The following SPOCK1 variants were observed in gnomAD, a reference collection of about 807,000 sequenced individuals.
SPOCK1 encodes testican-1.
SPOCK1 carries 23 observed loss-of-function variants against 55.3 expected under a neutral mutation model. The observed-to-expected ratio is 0.42, with a 90% confidence interval of 0.30 to 0.59. The LOEUF (loss-of-function observed/expected upper bound fraction) is 0.59. Ranked by LOEUF, SPOCK1 falls within the 20% of genes least tolerant of loss-of-function variation. SPOCK1 has a pLI of 0.22. For missense variants in SPOCK1, 499 were observed against 552.5 expected, an observed-to-expected ratio of 0.90 and a Z score of 0.97; for synonymous variants, 226 against 221.0, an observed-to-expected ratio of 1.02 and a Z score of -0.20.
At chr5:137,378,093 C>A (rs921271935) in intron 2 of SPOCK1, among the ~76,000 whole-genome samples, 5 of 152,036 alleles carry the variant, frequency 3.3e-5, no homozygotes, top group African/African-American at 9.7e-5. Context: ...TACAGGCATG[C>A]ACCACCACAT....
intron 2 of SPOCK1, among the ~76,000 whole-genome samples, chr5:137,272,251 T>C (rs1001602720): frequency 6.6e-6 from 1 of 152,198 alleles, no homozygotes; most frequent in Non-Finnish European, 1.5e-5. Context: ...TCTATTTATC[T>C]TCACACTACT....
chr5:137,488,141 C>T (rs545341253), intron 2 of SPOCK1, among the ~76,000 whole-genome samples: 1 of 152,256 alleles, frequency 6.6e-6, no homozygotes, highest in East Asian at 1.9e-4. Flanking sequence ...CTTTAAGAGG[C>T]CAAGGTGGGC....
At chr5:137,106,441 C>T (rs1753369675) in intron 5 of SPOCK1, among the ~76,000 whole-genome samples, 1 of 152,132 alleles carries the variant, frequency 6.6e-6, no homozygotes, top group Non-Finnish European at 1.5e-5. Flanking sequence ...CCCAGATGGT[C>T]CAGGACAAAA....
chr5:137,162,909 G>T (rs931513026), intron 3 of SPOCK1, among the ~76,000 whole-genome samples: 1 of 152,132 alleles, frequency 6.6e-6, no homozygotes, highest in African/African-American at 2.4e-5. Context: ...GCGTTGGAAG[G>T]GTCTTTAAGA....
chr5:137,111,149 G>A lies in SPOCK1; in HGVS notation c.474+1286C>T, dbSNP rs776226361. ...GACAGCAAGCAGTGAGGATCATCGT[G>A]AGCCTGTGACATCTCCATGGTGTGA... is the stretch of plus-strand genomic sequence containing the variant. On this transcript the variant is annotated intron_variant, in intron 5 of 10. Coordinates refer to ENST00000394945, the MANE Select transcript of SPOCK1 (RefSeq NM_004598.4). Among the ~76,000 whole-genome samples the A allele has an allele frequency of 4.6e-5, 7 of 152,032 alleles. No individual in the cohort carries two copies. In the East Asian group the frequency reaches 5.8e-4, roughly 13 times the overall value.
At chr5:137,197,138 C>G (rs934936080) in intron 3 of SPOCK1, among the ~76,000 whole-genome samples, 1 of 152,140 alleles carries the variant, frequency 6.6e-6, no homozygotes, top group Non-Finnish European at 1.5e-5. Flanking sequence ...GCGAAGACTC[C>G]AGAATTCATT....
intron 3 of SPOCK1, among the ~76,000 whole-genome samples, chr5:137,243,228 C>T (rs920452649): frequency 1.3e-5 from 2 of 152,142 alleles, no homozygotes; most frequent in African/African-American, 4.8e-5. Context: ...CTCTTAACAG[C>T]TAATACCTGG....
intron 2 of SPOCK1, among the ~76,000 whole-genome samples, chr5:137,431,316 T>C (rs1207975772): frequency 1.3e-5 from 2 of 152,202 alleles, no homozygotes; most frequent in Non-Finnish European, 2.9e-5. Context: ...CTAGACACAC[T>C]TGGGTTTGTG....
At chr5:137,407,342 G>A (rs1159592057) in intron 2 of SPOCK1, among the ~76,000 whole-genome samples, 1 of 152,144 alleles carries the variant, frequency 6.6e-6, no homozygotes, top group Non-Finnish European at 1.5e-5. Flanking sequence ...AGAGACAAGA[G>A]GCAGAGAAAG....
intron 2 of SPOCK1, among the ~76,000 whole-genome samples, chr5:137,404,809 G>A (rs1338108078): frequency 6.6e-6 from 1 of 152,106 alleles, no homozygotes; most frequent in Non-Finnish European, 1.5e-5. Context: ...GTGCTCCCAT[G>A]CTAATTAGTT....
At chr5:137,335,965 A>G (rs552442775) in intron 2 of SPOCK1, among the ~76,000 whole-genome samples, 7 of 152,308 alleles carry the variant, frequency 4.6e-5, no homozygotes, top group African/African-American at 1.7e-4. Context: ...TTCTTGGAAT[A>G]CACAGTCTTA....
intron 2 of SPOCK1, among the ~76,000 whole-genome samples, chr5:137,433,595 C>G (rs1752795400): frequency 6.6e-6 from 1 of 152,170 alleles, no homozygotes; most frequent in Non-Finnish European, 1.5e-5. Flanking sequence ...GGCTACTTCC[C>G]AAGAGATGGA....
intron 2 of SPOCK1, among the ~76,000 whole-genome samples, chr5:137,405,059 C>G (rs975247767): frequency 6.6e-6 from 1 of 152,110 alleles, no homozygotes; most frequent in Non-Finnish European, 1.5e-5. Context: ...ACAACACAAC[C>G]GTATCAAAGA....
chr5:137,033,561 G>T (rs1258108771), intron 6 of SPOCK1, among the ~76,000 whole-genome samples: 1 of 151,942 alleles, frequency 6.6e-6, no homozygotes, highest in African/African-American at 2.4e-5. Flanking sequence ...TGCATGAAGG[G>T]GTCTCCCCAC....
At chr5:137,452,490 G>C (rs1390543686) in intron 2 of SPOCK1, among the ~76,000 whole-genome samples, 1 of 152,180 alleles carries the variant, frequency 6.6e-6, no homozygotes, top group African/African-American at 2.4e-5. Context: ...AAGAAAAAAA[G>C]TGAATCTGAT....
chr5:137,176,577 G>A (rs775554507), intron 3 of SPOCK1, among the ~76,000 whole-genome samples: 1 of 151,564 alleles, frequency 6.6e-6, no homozygotes, highest in African/African-American at 2.4e-5. Context: ...TTACTAGAAA[G>A]GTACATTTTA....
chr5:137,256,236 C>A (rs973349550), intron 3 of SPOCK1, among the ~76,000 whole-genome samples: 6 of 152,206 alleles, frequency 3.9e-5, no homozygotes, highest in African/African-American at 1.2e-4. Flanking sequence ...CTAAACCACT[C>A]CATCTCCAGG....
chr5:137,109,609 C>T (rs1051203343), intron 5 of SPOCK1, among the ~76,000 whole-genome samples: 1 of 152,198 alleles, frequency 6.6e-6, no homozygotes, highest in Non-Finnish European at 1.5e-5. Flanking sequence ...TCTCACCTTC[C>T]AAGCTGGCTA....
intron 2 of SPOCK1, among the ~76,000 whole-genome samples, chr5:137,313,005 G>C (rs954313644): frequency 6.6e-6 from 1 of 152,102 alleles, no homozygotes; most frequent in African/African-American, 2.4e-5. Flanking sequence ...TCCCAACCAG[G>C]AGTATCCTGG....
Sources: allele counts gnomAD v4.1 joint callset (sites outside exome capture counted in the v4.1 genomes callset), GRCh38; gene constraint gnomAD v4.1.1; transcripts MANE v1.5; gene names NCBI Gene and HGNC (gene_info 2026-07-23, HGNC 2026-07-21).